The following ARHGAP42 variants were observed in gnomAD, a reference collection of about 807,000 sequenced individuals.
ARHGAP42 encodes Rho GTPase activating protein 42.
ARHGAP42 carries 63 observed loss-of-function variants against 125.0 expected under a neutral mutation model. The observed-to-expected ratio is 0.50, with a 90% confidence interval of 0.41 to 0.62. The LOEUF (loss-of-function observed/expected upper bound fraction) is 0.62, where lower values mean the gene tolerates loss of function less well. Ranked by LOEUF, ARHGAP42 falls within the 20% of genes least tolerant of loss-of-function variation. The pLI is 0.00. For synonymous variants in ARHGAP42, 339 were observed against 351.0 expected (o/e 0.97, Z 0.38); for missense variants, 766 against 1,024.2 (o/e 0.75, Z 3.44).
chr11:100,969,737 T>G (rs1858189777), intron 17 of ARHGAP42, among the ~76,000 whole-genome samples: 1 of 152,180 alleles, frequency 6.6e-6, no homozygotes, highest in Admixed American at 6.5e-5. Context: ...AGACATGGTT[T>G]TCTTGAGGAC....
chr11:100,980,767 C>T (rs532406123), intron 22 of ARHGAP42, among the ~76,000 whole-genome samples: 1 of 136,980 alleles, frequency 7.3e-6, no homozygotes, highest in East Asian at 4.0e-4. Context: ...GACAGGGTTT[C>T]ACCAGGTTGG....
intron 12 of ARHGAP42, among the ~76,000 whole-genome samples, chr11:100,954,007 G>C (rs1213340166): frequency 8.3e-5 from 1 of 12,064 alleles, no homozygotes; most frequent in African/African-American, 3.4e-4. Context: ...TCTTTCAAAG[G>C]AACAAATTAC....
At chr11:100,738,695 T>C (rs1395120865) in intron 1 of ARHGAP42, among the ~76,000 whole-genome samples, 1 of 152,220 alleles carries the variant, frequency 6.6e-6, no homozygotes, top group Non-Finnish European at 1.5e-5. Flanking sequence ...AGAGAAGTAC[T>C]ATTGCTGCTG....
chr11:100,826,960 G>A (rs527655324), intron 3 of ARHGAP42, among the ~76,000 whole-genome samples: 1 of 150,452 alleles, frequency 6.6e-6, no homozygotes, highest in South Asian at 2.1e-4. Flanking sequence ...AGAATTTTGT[G>A]AGAAGGGTTT....
rs186440146 is a variant in ARHGAP42, at chr11:100,987,848, G to A, written c.2536+256G>A. ...AAATAAATAAATAAATAAATAAATA[G>A]GCCAGGCGCGGTGACTCATGCCTGT... On this transcript the variant is annotated intron_variant, in intron 23 of 23. Coordinates refer to ENST00000298815, the MANE Select transcript of ARHGAP42 (RefSeq NM_152432.4). Among the ~76,000 whole-genome samples, 286 of 108,870 alleles carry A rather than the reference G, an allele frequency of 2.6e-3. 2 individuals carry two copies. Among genetic ancestry groups the A allele is most frequent in the Middle Eastern group, 0.02 (4 of 204 alleles). 71.4% of individuals were successfully genotyped at this position (108,870 alleles called of 152,430 possible).
chr11:100,895,482 T>C (rs1866328851), intron 4 of ARHGAP42, among the ~76,000 whole-genome samples: 1 of 149,204 alleles, frequency 6.7e-6, no homozygotes, highest in Non-Finnish European at 1.5e-5. Flanking sequence ...ACTATTCTTA[T>C]AAAAGAGCAA....
chr11:100,714,530 C>T (rs563964676), intron 1 of ARHGAP42, among the ~76,000 whole-genome samples: 56 of 152,114 alleles, frequency 3.7e-4, no homozygotes, highest in African/African-American at 1.2e-3. Flanking sequence ...AAAGGACTTC[C>T]GAAATTCCAG....
chr11:100,893,543 C>A (rs893737555), intron 4 of ARHGAP42, among the ~76,000 whole-genome samples: 1 of 152,078 alleles, frequency 6.6e-6, no homozygotes, highest in African/African-American at 2.4e-5. Context: ...AATTGGCAAA[C>A]GGGACAGATT....
Position 100,948,535 on chromosome 11 carries a change from G to C in ARHGAP42, c.1122G>C (p.Pro374=). 6.5e-7 allele frequency: 1 copy of C among 1,547,572 alleles called. No homozygotes were observed. Among genetic ancestry groups the C allele is most frequent in the Non-Finnish European group, 8.7e-7 (1 of 1,144,272 alleles). Residue 374 remains proline (P), a splice_region_variant and synonymous_variant, in exon 11 of 24, where the codon CCG becomes CCC. Transcript: ENST00000298815. ...TTGAAGCCATGGATGGGAAGGAACC[G>C]GTAAGACTATGACACATTCTATAAT... The part of the protein sequence containing the change: ...LWLEAMDGKE[P]IYTLPAIISK...
chr11:100,847,593 G>T (rs149533137), intron 3 of ARHGAP42, among the ~76,000 whole-genome samples: 56 of 152,206 alleles, frequency 3.7e-4, no homozygotes, highest in African/African-American at 1.3e-3. Flanking sequence ...TAGGTGGGTC[G>T]TGAAACACAG....
chr11:100,809,315 C>T (rs966234547), intron 3 of ARHGAP42, among the ~76,000 whole-genome samples: 8 of 152,146 alleles, frequency 5.3e-5, no homozygotes, highest in Non-Finnish European at 1.2e-4. Context: ...CACTTAAAGA[C>T]GCTTGACCAA....
At chr11:100,724,123 A>C (rs903777523) in intron 1 of ARHGAP42, among the ~76,000 whole-genome samples, 4 of 152,286 alleles carry the variant, frequency 2.6e-5, no homozygotes, top group South Asian at 2.1e-4. Context: ...TATGGGCTAC[A>C]TTAATTGATT....
At chr11:100,788,109 G>A (rs1391145896) in intron 2 of ARHGAP42, among the ~76,000 whole-genome samples, 1 of 152,098 alleles carries the variant, frequency 6.6e-6, no homozygotes, top group East Asian at 1.9e-4. Context: ...AAACAACTTT[G>A]TAATTACTCA....
At chr11:100,719,989 A>C (rs1591126525) in intron 1 of ARHGAP42, among the ~76,000 whole-genome samples, 1 of 152,326 alleles carries the variant, frequency 6.6e-6, no homozygotes, top group African/African-American at 2.4e-5. Flanking sequence ...CTATTGGCTG[A>C]GTCATCATGT....
chr11:100,919,131 A>G (rs1480148789), intron 5 of ARHGAP42, among the ~76,000 whole-genome samples: 3 of 27,610 alleles, frequency 1.1e-4, no homozygotes, highest in Admixed American at 9.4e-4. Flanking sequence ...AGCATGCTCA[A>G]TTCCCCCCTG....
At chr11:100,939,971 G>T (rs976987714) in intron 8 of ARHGAP42, among the ~76,000 whole-genome samples, 19 of 152,094 alleles carry the variant, frequency 1.2e-4, no homozygotes, top group African/African-American at 4.6e-4. Context: ...CTACATACGA[G>T]AATTTCTATC....
intron 4 of ARHGAP42, among the ~76,000 whole-genome samples, chr11:100,909,238 A>T (rs1866839839): frequency 6.6e-6 from 1 of 151,594 alleles, no homozygotes; most frequent in South Asian, 2.1e-4. Flanking sequence ...TAGTTTAATT[A>T]AGTTCTATTT....
intron 3 of ARHGAP42, among the ~76,000 whole-genome samples, chr11:100,831,024 A>G (rs1016403118): frequency 3.3e-5 from 5 of 152,214 alleles, no homozygotes; most frequent in Admixed American, 6.5e-5. Context: ...CAATTTAATC[A>G]AGTATTTGCA....
At chr11:100,951,187 G>T (rs192655593) in intron 12 of ARHGAP42, among the ~76,000 whole-genome samples, 4 of 151,980 alleles carry the variant, frequency 2.6e-5, no homozygotes, top group African/African-American at 9.6e-5. Context: ...GAAAATGCAT[G>T]ATATAAAAGA....
Sources: gnomAD v4.1 joint callset for allele counts (sites outside exome capture counted in the v4.1 genomes callset) on GRCh38, gnomAD v4.1.1 for gene constraint, MANE v1.5 for transcripts, NCBI Gene and HGNC (gene_info 2026-07-23, HGNC 2026-07-21) for gene names.